Variants in MYBPC2 observed in about 807,000 individuals in gnomAD.
The protein encoded by MYBPC2 is myosin binding protein C2, also known as myosin-binding protein C, fast-type.
A neutral mutation model predicts 137.0 loss-of-function variants in MYBPC2; 122 were observed. That is an observed-to-expected ratio of 0.89 (90% CI 0.77 to 1.03). MYBPC2 has a LOEUF of 1.03. Ranked by LOEUF, MYBPC2 falls within the 50% of genes least tolerant of loss-of-function variation. The probability of loss-of-function intolerance (pLI) is 0.00; values close to 1 mark genes in which losing one functional copy is unlikely to be tolerated. For missense variants in MYBPC2, 1,500 were observed against 1,534.4 expected, an observed-to-expected ratio of 0.98 and a Z score of 0.37; for synonymous variants, 626 against 612.3, an observed-to-expected ratio of 1.02 and a Z score of -0.33.
chr19:50,442,647 C>T (rs1275372837), intron 9 of MYBPC2, among the ~76,000 whole-genome samples: 1 of 151,814 alleles, frequency 6.6e-6, no homozygotes, highest in Non-Finnish European at 1.5e-5. Context: ...ATCGCTTGAA[C>T]CCAGGAGGCA....
intron 16 of MYBPC2, among the ~76,000 whole-genome samples, chr19:50,452,504 G>GTATC (rs1208324934): frequency 1.7e-3 from 174 of 102,970 alleles, no homozygotes; most frequent in East Asian, 5.9e-3. Context: ...ATGTATGTAT[G>GTATC]TATGTATCTA....
At position 50,436,721 on chromosome 19, in the gene MYBPC2, C is replaced by T. The variant is rs755313698; in HGVS notation, c.450C>T (p.Asn150=). The change falls in exon 5 of 28, where the codon AAC becomes AAT. Residue 150 remains asparagine (N), a synonymous_variant. Transcript: ENST00000357701. The part of the protein sequence containing the change: ...AKDTCDSCGF[N]IDVEAPRQDA... Reference sequence around the variant, plus strand: ...ACACCTGTGACAGCTGTGGCTTCAACATCGATGTGGAGGGTATGCTGGTGG... The same window carrying T: ...ACACCTGTGACAGCTGTGGCTTCAATATCGATGTGGAGGGTATGCTGGTGG... 5.0e-6 allele frequency: 8 copies of T among 1,613,722 alleles called. No individual in the cohort carries two copies. Among genetic ancestry groups the T allele is most frequent in the African/African-American group, 1.3e-5 (1 of 74,908 alleles).
At chr19:50,463,731 G>A (rs1185803663) in intron 26 of MYBPC2, among the ~76,000 whole-genome samples, 1 of 152,092 alleles carries the variant, frequency 6.6e-6, no homozygotes, top group African/African-American at 2.4e-5. Flanking sequence ...CTGAGGTCAG[G>A]AGTTTGAGAC....
Position 50,459,226 on chromosome 19 carries a change from G to A in MYBPC2, c.2711G>A (p.Arg904His), listed in dbSNP as rs988024945. ...GTGTTCTTCGTGCGCCAGGCGGCCC[G>A]CTCCGACTCCGGGGAGTACGAGCTG... ...DTVFFVRQAA[R>H]SDSGEYELSV... Residue 904 changes from arginine (R) to histidine (H), a missense_variant, in exon 23 of 28, where the codon CGC becomes CAC. Transcript: ENST00000357701. 2 of 1,611,236 alleles carry A rather than the reference G, an allele frequency of 1.2e-6. No individual in the cohort carries two copies. Among genetic ancestry groups the A allele is most frequent in the Admixed American group, 1.7e-5 (1 of 59,934 alleles).
chr19:50,464,244 G>T (rs2039994448), intron 26 of MYBPC2, 102 bp from the exon 27 acceptor site: 3 of 1,038,548 alleles, frequency 2.9e-6, no homozygotes, highest in Non-Finnish European at 4.1e-6. Context: ...TGGCAAGAGG[G>T]TGGCAGAGCC....
At chr19:50,438,196 C>T (rs912755242) in intron 7 of MYBPC2, among the ~76,000 whole-genome samples, 21 of 152,190 alleles carry the variant, frequency 1.4e-4, no homozygotes, top group African/African-American at 4.6e-4. Context: ...TCTATCTACC[C>T]ACATATCCAT....
intron 20 of MYBPC2, among the ~76,000 whole-genome samples, chr19:50,457,753 C>T (rs2039927387): frequency 6.8e-6 from 1 of 147,354 alleles, no homozygotes; most frequent in Admixed American, 6.9e-5. Context: ...GATCTCGGCT[C>T]ACTGCAACCT....
At chr19:50,462,717 C>T (rs2039982706) in intron 26 of MYBPC2, among the ~76,000 whole-genome samples, 1 of 152,138 alleles carries the variant, frequency 6.6e-6, no homozygotes, top group Non-Finnish European at 1.5e-5. Context: ...GCTAGGATTA[C>T]AGGCGTGCAC....
intron 15 of MYBPC2, among the ~76,000 whole-genome samples, chr19:50,451,627 GT>G (rs915476337): frequency 4.3e-5 from 6 of 140,428 alleles, no homozygotes; most frequent in African/African-American, 1.3e-4. Context: ...GGGAGGAGGG[GT>G]TGGGGACCTG....
At chr19:50,445,030 A>G (rs2039791604) in intron 11 of MYBPC2, among the ~76,000 whole-genome samples, 2 of 152,126 alleles carry the variant, frequency 1.3e-5, no homozygotes, top group South Asian at 4.1e-4. Context: ...GTCATCACAT[A>G]CATACATATA....
chr19:50,448,235 G>A lies in MYBPC2; in HGVS notation c.1317G>A (p.Leu439=), dbSNP rs372679762. The change falls in exon 13 of 28, where the codon CTG becomes CTA. Residue 439 remains leucine (L), a synonymous_variant. Coordinates refer to ENST00000357701, the MANE Select transcript of MYBPC2 (RefSeq NM_004533.4). ...EAELIVEEKQ[L]EVLQDIADLT... is the part of the protein sequence containing the mutation. ...TCTCTCCCTGACCAGAGAAACAGCT[G>A]GAGGTCCTGCAGGACATCGCGGATC... 835 of 1,613,428 alleles carry A rather than the reference G, an allele frequency of 5.2e-4. 2 individuals are homozygous for A. The highest frequency in any genetic ancestry group is 6.2e-4 in the Non-Finnish European group (726 of 1,179,508).
rs1455546871 is a variant in MYBPC2 at position 50,460,141 on chromosome 19, A to G, written c.2893A>G (p.Met965Val). 6 of 1,592,302 alleles carry G rather than the reference A, an allele frequency of 3.8e-6. No individual in the cohort carries two copies. The highest frequency in any genetic ancestry group is 5.1e-6 in the Non-Finnish European group (6 of 1,170,284). Residue 965 changes from methionine to valine, a missense_variant, in exon 24 of 28, where the codon ATG (methionine) becomes GTG (valine). Met to Val is a conservative substitution (Grantham distance 21). Transcript: ENST00000357701. ...CAAAGATGATGGGAACAGTGAGATCATGGGGTATTTCGTCCAGAAAGCAGA... is the reference window on the plus strand; with the variant it reads ...CAAAGATGATGGGAACAGTGAGATCGTGGGGTATTTCGTCCAGAAAGCAGA... ...APKDDGNSEI[M>V]GYFVQKADKK...
Position 50,435,721 on chromosome 19 carries a change from G to C in MYBPC2, c.110-55G>C, listed in dbSNP as rs934932889. The stretch of plus-strand genomic sequence containing the variant: ...AGTCCTTTCCCCAAAGCGGCCCACT[G>C]TCCCCTCCCCAGCCTATCTCAGACC... On this transcript the variant is annotated intron_variant, in intron 2 of 27. Coordinates refer to ENST00000357701, the MANE Select transcript of MYBPC2 (RefSeq NM_004533.4). The surrounding 1 kb of genome is among the most constrained non-coding windows in gnomAD (Gnocchi z 4.8). 1 of 1,468,856 alleles carries C rather than the reference G, an allele frequency of 6.8e-7. No homozygotes were observed. Among genetic ancestry groups the C allele is most frequent in the African/African-American group, 1.4e-5 (1 of 71,056 alleles). The allele number at this position is 1,468,856 out of a possible 1,614,324, so 91.0% of individuals were successfully genotyped here.
Position 50,461,968 on chromosome 19 carries a change from C to G in MYBPC2, c.3160C>G (p.Leu1054Val). 1.3e-6 allele frequency: 2 copies of G among 1,584,796 alleles called. No homozygotes were observed. The highest frequency in any genetic ancestry group is 1.7e-6 in the Non-Finnish European group (2 of 1,164,992). The change falls in exon 26 of 28, where the codon CTC (leucine) becomes GTC (valine). Residue 1054 changes from leucine to valine, a missense_variant. By Grantham distance (32) the Leu-to-Val change is conservative. Coordinates refer to ENST00000357701, the MANE Select transcript of MYBPC2 (RefSeq NM_004533.4). ...GATGGCTCCCAAGTTCCTGACACCT[C>G]TCATAGACCGCGTGGTCGTGGCTGG... ...FRMAPKFLTPLIDRVVVAGYS... is the reference protein window; with the variant it reads ...FRMAPKFLTPVIDRVVVAGYS...
chr19:50,455,009 C>T (rs1018093458), intron 18 of MYBPC2, 99 bp from the exon 19 acceptor site: 416 of 1,169,868 alleles, frequency 3.6e-4, no homozygotes, highest in Middle Eastern at 1.1e-3. Flanking sequence ...TCGGACCGCC[C>T]TGGCCATGCG....
chr19:50,444,976 G>T (rs999689925), intron 11 of MYBPC2, among the ~76,000 whole-genome samples: 2 of 151,926 alleles, frequency 1.3e-5, no homozygotes, highest in Admixed American at 6.6e-5. Flanking sequence ...GGTGGTGTGT[G>T]TGTATGTGTG....
intron 16 of MYBPC2, among the ~76,000 whole-genome samples, chr19:50,452,508 G>GTATGTATCTATCTATCTATCTATC (rs1433850781): frequency 4.4e-4 from 50 of 114,642 alleles, no homozygotes; most frequent in Admixed American, 8.5e-4. Flanking sequence ...ATGTATGTAT[G>GTATGTATCTATCTATCTATCTATC]TATCTATCTA....
intron 7 of MYBPC2, among the ~76,000 whole-genome samples, chr19:50,440,678 C>CAAAAAAAAA (rs753930627): frequency 7.1e-6 from 1 of 140,340 alleles, no homozygotes; most frequent in Non-Finnish European, 1.5e-5. Flanking sequence ...AAAAAAAAAC[C>CAAAAAAAAA]AAAAAACCCA....
rs25669 is a variant in MYBPC2 at position 50,435,820 on chromosome 19, G to T, written c.154G>T (p.Gly52Cys). Reference sequence around the variant, plus strand: ...GTCCCCGACTGCAGAGGAGCCCACCGGCGTTTTCCTGAAGAAGCCGGACTC... The same window carrying T: ...GTCCCCGACTGCAGAGGAGCCCACCTGCGTTTTCCTGAAGAAGCCGGACTC... ...DQSPTAEEPT[G>C]VFLKKPDSVS... Residue 52 changes from glycine (G) to cysteine (C), a missense_variant, in exon 3 of 28, where the codon GGC becomes TGC. By Grantham distance (159) the Gly-to-Cys change is radical. Transcript: ENST00000357701. The surrounding 1 kb of genome is among the most constrained non-coding windows in gnomAD (Gnocchi z 4.8). The T allele has an allele frequency of 1.2e-6, 2 of 1,610,870 alleles. No homozygotes were observed. Among genetic ancestry groups the T allele is most frequent in the South Asian group, 1.1e-5 (1 of 90,294 alleles).
Sources: allele counts gnomAD v4.1 joint callset (sites outside exome capture counted in the v4.1 genomes callset), GRCh38; gene constraint gnomAD v4.1.1; non-coding constraint Gnocchi (gnomAD v3.1); transcripts MANE v1.5; gene names NCBI Gene and HGNC (gene_info 2026-07-23, HGNC 2026-07-21).